DEPDC1: variants seen among roughly 807,000 people sequenced by gnomAD.
DEPDC1 encodes the protein DEP domain containing 1.
In DEPDC1, 66 loss-of-function variants were observed where a neutral mutation model predicts 86.8. That is an observed-to-expected ratio of 0.76 (90% CI 0.62 to 0.93). The LOEUF (loss-of-function observed/expected upper bound fraction) is 0.93. Ranked by LOEUF, DEPDC1 falls within the 40% of genes least tolerant of loss-of-function variation. DEPDC1 has a pLI of 0.00. For synonymous variants in DEPDC1, 255 were observed against 314.9 expected (o/e 0.81, Z 2.02); for missense variants, 792 against 935.7 (o/e 0.85, Z 2.00).
chr1:68,486,202 T>C (rs559754331), intron 6 of DEPDC1, among the ~76,000 whole-genome samples: 47 of 152,106 alleles, frequency 3.1e-4, no homozygotes, highest in African/African-American at 6.5e-4. Context: ...TGGGAGGTGA[T>C]TGAATCATGG....
In DEPDC1 at chr1:68,479,301, C is replaced by G. The variant is rs745857232; in HGVS notation, c.1955G>C (p.Arg652Pro). The G allele has an allele frequency of 2.5e-6, 4 of 1,599,006 alleles. No individual in the cohort carries two copies. Among genetic ancestry groups the G allele is most frequent in the Non-Finnish European group, 2.6e-6 (3 of 1,173,830 alleles). Residue 652 changes from arginine to proline, a missense_variant, in exon 10 of 12, where the codon CGA (arginine) becomes CCA (proline). Transcript: ENST00000456315. ...TRSLMIHTFS[R>P]CVLCCAEEVD... ...TTCTTCAGCACAGCATAACACACAT[C>G]GAGAAAAGGTATGTATCATCTAGAA...
intron 6 of DEPDC1, among the ~76,000 whole-genome samples, chr1:68,485,596 C>A (rs556374033): frequency 2.8e-4 from 42 of 152,126 alleles, no homozygotes; most frequent in African/African-American, 6.0e-4. Flanking sequence ...AGAAGGAAGA[C>A]AGAATCCCTG....
At chr1:68,477,190 T>C in intron 11 of DEPDC1, 121 bp from the exon 12 acceptor site, 1 of 718,188 alleles carries the variant, frequency 1.4e-6, no homozygotes, top group South Asian at 2.7e-5. Context: ...ATTAGTATCC[T>C]TTCATTTTAT....
At chr1:68,490,547 C>T (rs1279167388) in intron 2 of DEPDC1, among the ~76,000 whole-genome samples, 1 of 152,098 alleles carries the variant, frequency 6.6e-6, no homozygotes, top group Non-Finnish European at 1.5e-5. Context: ...ATTGTGAATA[C>T]TGCTGCAATG....
chr1:68,489,081 T>A, intron 3 of DEPDC1, 47 bp from the exon 4 acceptor site: 1 of 1,182,512 alleles, frequency 8.5e-7, no homozygotes, highest in Non-Finnish European at 1.3e-6. Context: ...TCAAATTTTT[T>A]AAATATTGAA....
intron 5 of DEPDC1, among the ~76,000 whole-genome samples, chr1:68,487,968 T>C (rs561893696): frequency 6.6e-6 from 1 of 152,042 alleles, no homozygotes; most frequent in African/African-American, 2.4e-5. Flanking sequence ...GTTTGACTCC[T>C]GTTAATTTGT....
At chr1:68,494,211 C>T (rs186190504) in intron 2 of DEPDC1, among the ~76,000 whole-genome samples, 1 of 152,294 alleles carries the variant, frequency 6.6e-6, no homozygotes, top group Non-Finnish European at 1.5e-5. Context: ...CAATTCCCTA[C>T]TTTATTATAT....
rs530453624 is a variant in DEPDC1, at chr1:68,495,011, G to A, written c.49-316C>T. ...TACAAAATTAGCTGGGCATAGTGGTGCATGCCTATAATCCCAGCTACTCAG... is the reference window on the plus strand; with the variant it reads ...TACAAAATTAGCTGGGCATAGTGGTACATGCCTATAATCCCAGCTACTCAG... On this transcript the variant is annotated intron_variant, in intron 1 of 11. Transcript: ENST00000456315. 2.6e-4 allele frequency among the ~76,000 whole-genome samples: 39 copies of A among 152,184 alleles called. 2 individuals are homozygous for A. In the South Asian group the frequency reaches 7.7e-3, roughly 30 times the overall value.
chr1:68,495,026 C>T (rs1646255763), intron 1 of DEPDC1, among the ~76,000 whole-genome samples: 1 of 152,046 alleles, frequency 6.6e-6, no homozygotes, highest in African/African-American at 2.4e-5. Context: ...CCTATAATCC[C>T]AGCTACTCAG....
chr1:68,494,703 A>G lies in DEPDC1; in HGVS notation c.49-8T>C, dbSNP rs1646253104. On this transcript the variant is annotated splice_polypyrimidine_tract_variant and splice_region_variant and intron_variant, in intron 1 of 11. Transcript: ENST00000456315. ...TGTGGTAACTTCATTCCACTGTAAA[A>G]AGAAGGAAAATATTTTTAAAAAATT... The G allele has an allele frequency of 6.3e-7, 1 of 1,596,538 alleles. No individual in the cohort carries two copies. Among genetic ancestry groups the G allele is most frequent in the East Asian group, 2.2e-5 (1 of 44,644 alleles).
chr1:68,486,097 A>G (rs1455190227), intron 6 of DEPDC1, among the ~76,000 whole-genome samples: 1 of 152,116 alleles, frequency 6.6e-6, no homozygotes, highest in African/African-American at 2.4e-5. Flanking sequence ...AAATGCTAAA[A>G]AAATTTCTGG....
At chr1:68,485,842 A>C (rs991857628) in intron 6 of DEPDC1, among the ~76,000 whole-genome samples, 10 of 152,210 alleles carry the variant, frequency 6.6e-5, no homozygotes, top group African/African-American at 2.2e-4. Context: ...GTGGACAACA[A>C]AGGAATATAA....
At position 68,479,142 on chromosome 1, in the gene DEPDC1, AC is replaced by A; in HGVS notation, c.2112+1del. 6.2e-7 allele frequency: 1 copy of A among 1,605,504 alleles called. No individual in the cohort carries two copies. The highest frequency in any genetic ancestry group is 8.5e-7 in the Non-Finnish European group (1 of 1,176,476). On this transcript the variant is annotated splice_donor_variant, in intron 10 of 11. Coordinates refer to ENST00000456315, the MANE Select transcript of DEPDC1 (RefSeq NM_001114120.3). LOFTEE classifies it high-confidence loss of function. ...GAGAATTTTAAGACTCACAATACTTACATGTCCCTTTTTTAAGTAGTCAAGA... is the reference window on the plus strand; with the variant it reads ...GAGAATTTTAAGACTCACAATACTTAATGTCCCTTTTTTAAGTAGTCAAGA...
Position 68,484,055 on chromosome 1 carries a change from C to A in DEPDC1, c.805G>T (p.Val269Phe), listed in dbSNP as rs542677823. The A allele has an allele frequency of 6.3e-7, 1 of 1,584,934 alleles. No homozygotes were observed. The highest frequency in any genetic ancestry group is 1.4e-5 in the African/African-American group (1 of 73,232). Residue 269 changes from valine (V) to phenylalanine (F), a missense_variant, in exon 7 of 12, where the codon GTT becomes TTT. Coordinates refer to ENST00000456315, the MANE Select transcript of DEPDC1 (RefSeq NM_001114120.3). Reference protein sequence around the residue: ...RSNDMNNPTYVGFERDVFRTI... With the variant: ...RSNDMNNPTYFGFERDVFRTI... ...CTGAATACATCTCGTTCAAATCCAA[C>A]ATAAGTTGGATTATTCATATCATTG... is the stretch of plus-strand genomic sequence containing the variant.
At chr1:68,493,617 G>A (rs1646243294) in intron 2 of DEPDC1, among the ~76,000 whole-genome samples, 1 of 152,130 alleles carries the variant, frequency 6.6e-6, no homozygotes, top group South Asian at 2.1e-4. Context: ...GGCTACTATA[G>A]CAATTAAGTA....
intron 9 of DEPDC1, among the ~76,000 whole-genome samples, chr1:68,480,084 G>T (rs140677928): frequency 6.6e-6 from 1 of 151,902 alleles, no homozygotes; most frequent in Non-Finnish European, 1.5e-5. Context: ...TTGAAATGCT[G>T]GAAAATAGTT....
chr1:68,484,906 G>T (rs1036173421), intron 6 of DEPDC1, among the ~76,000 whole-genome samples: 3 of 151,104 alleles, frequency 2.0e-5, no homozygotes, highest in Non-Finnish European at 3.0e-5. Context: ...ACACTAACCT[G>T]AGAATCTTCA....
chr1:68,488,422 T>G lies in DEPDC1; in HGVS notation c.673A>C (p.Met225Leu). Residue 225 changes from methionine (M) to leucine (L), a missense_variant, in exon 5 of 12, where the codon ATG becomes CTG. Physicochemically the swap from Met to Leu is conservative, Grantham distance 15. Transcript: ENST00000456315. ...QVIPQYIMYN[M>L]ANTSKRGVVI... ...ACTCCACGTTTACTTGTATTGGCCA[T>G]GTTGTACATTATATATTGGGGAATT... The G allele has an allele frequency of 1.2e-6, 2 of 1,605,964 alleles. No individual in the cohort carries two copies. Among genetic ancestry groups the G allele is most frequent in the Non-Finnish European group, 1.7e-6 (2 of 1,176,786 alleles).
intron 9 of DEPDC1, among the ~76,000 whole-genome samples, chr1:68,480,366 T>C (rs926263501): frequency 3.9e-5 from 6 of 151,944 alleles, no homozygotes; most frequent in Non-Finnish European, 8.8e-5. Context: ...ATAGAATTGA[T>C]ACATTTTTAG....
Sources: gnomAD v4.1 joint callset for allele counts (sites outside exome capture counted in the v4.1 genomes callset) on GRCh38, gnomAD v4.1.1 for gene constraint, MANE v1.5 for transcripts, NCBI Gene and HGNC (gene_info 2026-07-23, HGNC 2026-07-21) for gene names.